Variants in AEBP2 observed in about 807,000 individuals in gnomAD.
AEBP2 encodes the protein AE binding protein 2, also known as zinc finger protein AEBP2.
Under a neutral mutation model 50.8 loss-of-function variants are expected in AEBP2, and 10 were observed. The ratio of observed to expected loss-of-function variants is 0.20; its 90% CI spans 0.12 to 0.33. AEBP2 has a LOEUF of 0.33. AEBP2 is among the 10% of genes least tolerant of loss of function. The pLI is 1.00. For synonymous variants in AEBP2, 296 were observed against 261.3 expected (o/e 1.13, Z -1.28); for missense variants, 570 against 688.0 (o/e 0.83, Z 1.92).
intron 7 of AEBP2, 99 bp from the exon 8 acceptor site, chr12:19,517,988 C>A: frequency 1.9e-6 from 2 of 1,076,414 alleles, no homozygotes; most frequent in South Asian, 1.8e-5. Flanking sequence ...CTATGATCAT[C>A]ACATTGCCTG....
In AEBP2 at chr12:19,439,934, G is replaced by T; in HGVS notation, c.235G>T (p.Ala79Ser). Residue 79 changes from alanine (A) to serine (S), a missense_variant, in exon 1 of 8, where the codon GCA (alanine) becomes TCA (serine). Around this residue, in one of 2 missense-constraint regions of AEBP2, gnomAD observed 386 missense variants for 336.8 expected, o/e 1.15. Transcript: ENST00000266508. ...CGGCGGAGGAGTGGGGGGCGGCGAG[G>T]CAGAGACGATGTCGGAGCCGAGCCC... is the stretch of plus-strand genomic sequence containing the variant. ...GGGGGVGGGEAETMSEPSPES... is the reference protein window; with the variant it reads ...GGGGGVGGGESETMSEPSPES... 1.3e-6 allele frequency: 2 copies of T among 1,514,834 alleles called. No homozygotes were observed. The highest frequency in any genetic ancestry group is 1.8e-6 in the Non-Finnish European group (2 of 1,138,676). The allele number at this position is 1,514,834 out of a possible 1,614,324, so 93.8% of individuals were successfully genotyped here.
chr12:19,508,646 T>C (rs1410732165), intron 5 of AEBP2, among the ~76,000 whole-genome samples: 1 of 152,218 alleles, frequency 6.6e-6, no homozygotes, highest in African/African-American at 2.4e-5. Context: ...GCTTTTCTTA[T>C]ACTTTTTTGG....
intron 5 of AEBP2, among the ~76,000 whole-genome samples, chr12:19,503,952 C>T (rs1308237256): frequency 6.6e-6 from 1 of 151,942 alleles, no homozygotes; most frequent in Non-Finnish European, 1.5e-5. Context: ...CCACCTCAGT[C>T]TTCTGAGTAG....
chr12:19,487,753 G>A (rs1948832502), intron 3 of AEBP2, among the ~76,000 whole-genome samples: 1 of 151,926 alleles, frequency 6.6e-6, no homozygotes, highest in African/African-American at 2.4e-5. Flanking sequence ...AAAAAAGGGA[G>A]CATTTAAAAA....
intron 3 of AEBP2, among the ~76,000 whole-genome samples, chr12:19,491,113 A>G (rs1192636613): frequency 1.3e-5 from 2 of 152,230 alleles, no homozygotes; most frequent in Non-Finnish European, 2.9e-5. Flanking sequence ...TTGGCAGTGG[A>G]CCAGGTAGTT....
At chr12:19,446,575 G>C (rs988734967) in intron 1 of AEBP2, among the ~76,000 whole-genome samples, 2 of 151,816 alleles carry the variant, frequency 1.3e-5, no homozygotes, top group Non-Finnish European at 2.9e-5. Flanking sequence ...TAAAAATACA[G>C]AAAAAAATTA....
chr12:19,484,461 G>A (rs191689502), intron 3 of AEBP2, among the ~76,000 whole-genome samples: 105 of 149,398 alleles, frequency 7.0e-4, no homozygotes, highest in Non-Finnish European at 1.1e-3. Context: ...TGCAACCTCC[G>A]CTTCCCATGT....
At position 19,420,667 on chromosome 12, in the gene AEBP2, A is replaced by G. The variant is rs529629636; in HGVS notation, c.-17+16451A>G. ...TAAGTAAAATTGTCTATTACACATA[A>G]TTTAATAAAGTCCTGTTTTTACTTC... On this transcript the variant is annotated intron_variant, in intron 1 of 3. Coordinates refer to the AEBP2 transcript ENST00000538425. Among the ~76,000 whole-genome samples, 73 of 152,254 alleles carry G rather than the reference A, an allele frequency of 4.8e-4. No homozygotes were observed. The South Asian group carries it at 0.015, about 30-fold the overall frequency.
chr12:19,427,237 T>C, intron 1 of AEBP2, among the ~76,000 whole-genome samples: 1 of 151,654 alleles, frequency 6.6e-6, no homozygotes, highest in African/African-American at 2.4e-5. Flanking sequence ...GTTAGCCAGG[T>C]GTGTTGGCAT....
chr12:19,510,790 C>T (rs1762461734), intron 5 of AEBP2, among the ~76,000 whole-genome samples: 1 of 151,410 alleles, frequency 6.6e-6, no homozygotes, highest in South Asian at 2.1e-4. Context: ...TAGAGATACC[C>T]TAATGAGACA....
intron 4 of AEBP2, among the ~76,000 whole-genome samples, chr12:19,499,504 C>T (rs1013296957): frequency 5.9e-5 from 9 of 151,452 alleles, no homozygotes; most frequent in Non-Finnish European, 1.0e-4. Context: ...GTCCCAGCTA[C>T]GCAGGAGGTT....
chr12:19,460,650 C>T (rs536271633), intron 1 of AEBP2, among the ~76,000 whole-genome samples: 15 of 150,662 alleles, frequency 1.0e-4, no homozygotes, highest in Non-Finnish European at 1.8e-4. Context: ...CCACGCCCGG[C>T]CTGAAAGTTT....
upstream of AEBP2, among the ~76,000 whole-genome samples, chr12:19,439,279 C>T (rs1179154264): frequency 3.9e-5 from 6 of 152,238 alleles, no homozygotes; most frequent in African/African-American, 1.4e-4. Context: ...GCTAAAATCC[C>T]CGGCCAGCGT....
intron 5 of AEBP2, among the ~76,000 whole-genome samples, chr12:19,501,797 G>GTTTTTTTTTTTTTTTTTTTTTTTTTTTTT (rs754195220): frequency 7.1e-4 from 50 of 70,908 alleles, no homozygotes; most frequent in Non-Finnish European, 8.6e-4. Context: ...AAATGAGTTT[G>GTTTTTTTTTTTTTTTTTTTTTTTTTTTTT]TTTTTTTTTT....
chr12:19,416,391 C>T (rs377138360), intron 1 of AEBP2, among the ~76,000 whole-genome samples: 173 of 150,946 alleles, frequency 1.1e-3, no homozygotes, highest in Admixed American at 2.3e-3. Flanking sequence ...TACAAATGGT[C>T]TTAGCTATCT....
intron 5 of AEBP2, among the ~76,000 whole-genome samples, chr12:19,502,694 G>T (rs1310945313): frequency 6.6e-6 from 1 of 151,436 alleles, no homozygotes; most frequent in Non-Finnish European, 1.5e-5. Flanking sequence ...TGTTGCCCAG[G>T]CTGGAGTGCA....
chr12:19,407,661 A>G (rs1278955277), intron 1 of AEBP2, among the ~76,000 whole-genome samples: 3 of 151,428 alleles, frequency 2.0e-5, no homozygotes, highest in African/African-American at 4.9e-5. Context: ...CTGGTCCTGA[A>G]CTCCTGGGCT....
chr12:19,409,257 A>G lies in AEBP2; in HGVS notation c.-17+5041A>G, dbSNP rs528171630. Among the ~76,000 whole-genome samples the G allele has an allele frequency of 7.9e-5, 12 of 152,312 alleles. No individual in the cohort carries two copies. In the South Asian group the frequency reaches 2.3e-3, roughly 29 times the overall value. On this transcript the variant is annotated intron_variant, in intron 1 of 3. Transcript: ENST00000538425. ...GTGGCTGCAAAATCATATTAGTTCA[A>G]TTACAGAACTTCGCATTATATTAGG...
chr12:19,459,747 T>C (rs1403333500), intron 1 of AEBP2, among the ~76,000 whole-genome samples: 3 of 152,176 alleles, frequency 2.0e-5, no homozygotes, highest in African/African-American at 4.8e-5. Flanking sequence ...CAGGTAAATA[T>C]ATATTTATTG....
Sources: gnomAD v4.1 joint callset for allele counts (sites outside exome capture counted in the v4.1 genomes callset) on GRCh38, gnomAD v4.1.1 for gene constraint, gnomAD v4.1.1 regional missense constraint, MANE v1.5 for transcripts, NCBI Gene and HGNC (gene_info 2026-07-23, HGNC 2026-07-21) for gene names.